FYB1: variants seen among roughly 807,000 people sequenced by gnomAD.
FYB1 encodes FYN binding protein 1.
In FYB1, 41 loss-of-function variants were observed where a neutral mutation model predicts 94.1. The observed-to-expected ratio is 0.44, with a 90% CI of 0.34 to 0.57. The LOEUF (loss-of-function observed/expected upper bound fraction) is 0.57, where lower values mean the gene tolerates loss of function less well. Among genes scored for constraint, FYB1 ranks in the 20% least tolerant of loss-of-function variants. The pLI, the probability that FYB1 is intolerant of heterozygous loss-of-function variation, is 0.02. For synonymous variants in FYB1, 367 were observed against 353.2 expected (o/e 1.04, Z -0.44); for missense variants, 1,050 against 976.8 (o/e 1.07, Z -1.00).
intron 1 of FYB1, among the ~76,000 whole-genome samples, chr5:39,247,349 G>A (rs1423239705): frequency 2.6e-5 from 4 of 151,660 alleles, no homozygotes. Flanking sequence ...GTAACATACG[G>A]GGTATATATG....
At chr5:39,222,900 T>C (rs1445309951), upstream of FYB1, among the ~76,000 whole-genome samples, 1 of 152,096 alleles carries the variant, frequency 6.6e-6, no homozygotes, top group Non-Finnish European at 1.5e-5. Context: ...CACTCTGTGT[T>C]ATGTGTCTTA....
At chr5:39,231,016 G>A (rs1642528) in intron 1 of FYB1, among the ~76,000 whole-genome samples, 25,473 of 151,494 alleles carry the variant, frequency 0.17, 5,721 homozygotes, top group African/African-American at 0.5. Context: ...CTAAAGTGTT[G>A]TATCATGATA....
At chr5:39,130,226 A>G (rs1741069986) in intron 10 of FYB1, among the ~76,000 whole-genome samples, 1 of 152,110 alleles carries the variant, frequency 6.6e-6, no homozygotes, top group African/African-American at 2.4e-5. Flanking sequence ...GGTAGAGAGT[A>G]GAGTGATTGT....
chr5:39,210,683 T>C (rs1030840413), intron 1 of FYB1, among the ~76,000 whole-genome samples: 21 of 152,296 alleles, frequency 1.4e-4, no homozygotes, highest in South Asian at 2.1e-4. Flanking sequence ...CCATGGCCTC[T>C]GAGGGCTTAA....
Position 39,144,608 on chromosome 5 carries a change from C to A in FYB1, c.1293-3467G>T, listed in dbSNP as rs1044630905. On this transcript the variant is annotated intron_variant, in intron 3 of 18. Coordinates refer to ENST00000512982, the MANE Select transcript of FYB1 (RefSeq NM_001465.6). ...TCTGAGGTCAGGAGTTCGAGACCAG[C>A]CTGGTCAACATGGTGAAACCCCGTC... Among the ~76,000 whole-genome samples the A allele has an allele frequency of 3.3e-5, 5 of 152,214 alleles. No homozygotes were observed. In the South Asian group the frequency reaches 6.2e-4, roughly 19 times the overall value.
intron 1 of FYB1, among the ~76,000 whole-genome samples, chr5:39,245,732 G>C (rs2150598149): frequency 6.6e-6 from 1 of 152,138 alleles, no homozygotes; most frequent in Non-Finnish European, 1.5e-5. Context: ...CTGAGTAGCT[G>C]GGATTACAGG....
At chr5:39,192,514 C>G (rs1747451225) in intron 2 of FYB1, among the ~76,000 whole-genome samples, 1 of 152,112 alleles carries the variant, frequency 6.6e-6, no homozygotes, top group African/African-American at 2.4e-5. Flanking sequence ...GTTGAATGGG[C>G]AATATTTTCT....
At position 39,153,585 on chromosome 5, in the gene FYB1, C is replaced by T. The variant is rs375737931; in HGVS notation, c.1155G>A (p.Thr385=). Residue 385 remains threonine (T), a synonymous_variant, in exon 3 of 19, where the codon ACG becomes ACA. Coordinates refer to ENST00000512982, the MANE Select transcript of FYB1 (RefSeq NM_001465.6). ...GTGGCAGGGAAGTTGTTGAGTAAGA[C>T]GTCTGGCCTTTGCTAGTACCTAAGA... ...SSGNSTSKGQ[T]SYSTTSLPPP... The T allele has an allele frequency of 1.6e-5, 26 of 1,613,048 alleles. No homozygotes were observed. Among genetic ancestry groups the T allele is most frequent in the Non-Finnish European group, 1.9e-5 (23 of 1,179,628 alleles).
chr5:39,227,397 T>C (rs1449383916), intron 1 of FYB1, among the ~76,000 whole-genome samples: 1 of 152,200 alleles, frequency 6.6e-6, no homozygotes, highest in Non-Finnish European at 1.5e-5. Flanking sequence ...TTCGTATTCT[T>C]AGGAGGTGCA....
chr5:39,123,770 G>A (rs1740355573), intron 13 of FYB1, among the ~76,000 whole-genome samples: 2 of 151,882 alleles, frequency 1.3e-5, no homozygotes, highest in African/African-American at 4.8e-5. Context: ...GTCTCAGCAG[G>A]GATGAAAAAA....
At chr5:39,151,700 A>C (rs1441403205) in intron 3 of FYB1, among the ~76,000 whole-genome samples, 1 of 152,220 alleles carries the variant, frequency 6.6e-6, no homozygotes, top group Non-Finnish European at 1.5e-5. Context: ...GTAGTGGCTC[A>C]AAAAATACTT....
rs1748440200 is a variant in FYB1, at chr5:39,202,493, C to T, written c.468G>A (p.Gly156=). The change falls in exon 2 of 19, where the codon GGG becomes GGA. Residue 156 remains glycine, a synonymous_variant. Transcript: ENST00000512982. ...CATTTTCTGAGGTTGGAGGAGTAGG[C>T]CCAGATTTCGGGCCTAGTGGCTTTA... The part of the protein sequence containing the change: ...HDLKPLGPKS[G]PTPPTSENEQ... 3.1e-6 allele frequency: 5 copies of T among 1,613,756 alleles called. No individual in the cohort carries two copies. The highest frequency in any genetic ancestry group is 2.2e-5 in the South Asian group (2 of 91,074).
chr5:39,202,956 G>A lies in FYB1; in HGVS notation c.5C>T (p.Ala2Val), dbSNP rs762263490. M[A>V]KYNTGGNPTE... The stretch of plus-strand genomic sequence containing the variant: ...CGGGTTGCCCCCCGTGTTATATTTC[G>A]CCATGAGGGACTTTACATCTGCCTT... Residue 2 changes from alanine to valine, a missense_variant, in exon 2 of 19, where the codon GCG becomes GTG. Coordinates refer to ENST00000512982, the MANE Select transcript of FYB1 (RefSeq NM_001465.6). 13 of 1,613,730 alleles carry A rather than the reference G, an allele frequency of 8.1e-6. No homozygotes were observed. The highest frequency in any genetic ancestry group is 2.2e-5 in the East Asian group (1 of 44,884).
chr5:39,236,104 C>A (rs1750954566), intron 1 of FYB1, among the ~76,000 whole-genome samples: 1 of 151,822 alleles, frequency 6.6e-6, no homozygotes, highest in African/African-American at 2.4e-5. Context: ...TAGATAAATT[C>A]TAGGTGTGCC....
chr5:39,184,648 A>T (rs1746579716), intron 2 of FYB1, among the ~76,000 whole-genome samples: 4 of 152,206 alleles, frequency 2.6e-5, no homozygotes, highest in Non-Finnish European at 5.9e-5. Flanking sequence ...TGAAAACTGG[A>T]CTTTAATATT....
chr5:39,202,295 T>A lies in FYB1; in HGVS notation c.666A>T (p.Ser222=), dbSNP rs761416963. The A allele has an allele frequency of 9.3e-6, 15 of 1,613,908 alleles. No homozygotes were observed. The South Asian group carries it at 1.6e-4, about 18-fold the overall frequency. ...CTCCCAGGGGAGCTGGGGACCCTTT[T>A]GATGAAGACACATTCTTCATGGGGC... ...DESPMKNVSS[S]KGSPAPLGVR... The change falls in exon 2 of 19, where the codon TCA becomes TCT. Residue 222 remains serine (S), a synonymous_variant. Coordinates refer to ENST00000512982, the MANE Select transcript of FYB1 (RefSeq NM_001465.6).
chr5:39,227,617 T>C (rs1438570129), intron 1 of FYB1, among the ~76,000 whole-genome samples: 1 of 152,240 alleles, frequency 6.6e-6, no homozygotes, highest in Non-Finnish European at 1.5e-5. Flanking sequence ...TAAAGTGAAT[T>C]CATGTAATGA....
chr5:39,139,362 A>G (rs1471098467), intron 4 of FYB1, 110 bp from the exon 5 acceptor site: 1 of 906,522 alleles, frequency 1.1e-6, no homozygotes, highest in Non-Finnish European at 1.5e-6. Context: ...AATCTAACAG[A>G]ACTTATGCTT....
At chr5:39,138,218 A>G (rs1159940708) in intron 6 of FYB1, 2 of 166,886 alleles carry the variant, frequency 1.2e-5, no homozygotes, top group Non-Finnish European at 2.6e-5. Flanking sequence ...TTCGTTTCCA[A>G]GAAACTTCTT....
Sources: gnomAD v4.1 joint callset for allele counts (sites outside exome capture counted in the v4.1 genomes callset) on GRCh38, gnomAD v4.1.1 for gene constraint, MANE v1.5 for transcripts, NCBI Gene and HGNC (gene_info 2026-07-23, HGNC 2026-07-21) for gene names.